Variants in FBXO42 observed in about 807,000 individuals in gnomAD.
FBXO42 encodes F-box protein 42.
FBXO42 carries 12 observed loss-of-function variants against 71.7 expected under a neutral mutation model. That is an observed-to-expected ratio of 0.17 (90% CI 0.11 to 0.27). The LOEUF is 0.27. Among genes scored for constraint, FBXO42 ranks in the 10% least tolerant of loss-of-function variants. FBXO42 has a pLI of 1.00. For synonymous variants in FBXO42, 325 were observed against 327.5 expected, an observed-to-expected ratio of 0.99 and a Z score of 0.08; for missense variants, 707 against 911.9, an observed-to-expected ratio of 0.78 and a Z score of 2.89.
Position 16,305,913 on chromosome 1 carries a change from G to C in FBXO42, c.257C>G (p.Ala86Gly), listed in dbSNP as rs1278005090. ...KQWYRLIKGV[A>G]HQCYHGFMKA... Reference sequence around the variant, plus strand: ...CATGAAACCATGATAACACTGATGGGCTACACCTAAGACAGAAAGAGCAAA... The same window carrying C: ...CATGAAACCATGATAACACTGATGGCCTACACCTAAGACAGAAAGAGCAAA... The change falls in exon 3 of 10, where the codon GCC becomes GGC. Residue 86 changes from alanine to glycine, a missense_variant. This residue lies in a region of FBXO42 where 188 missense variants were observed against 230.5 expected (regional missense o/e 0.82). Transcript: ENST00000375592. The C allele has an allele frequency of 6.2e-7, 1 of 1,611,954 alleles. No individual in the cohort carries two copies. Among genetic ancestry groups the C allele is most frequent in the Non-Finnish European group, 8.5e-7 (1 of 1,178,160 alleles).
intron 1 of FBXO42, among the ~76,000 whole-genome samples, chr1:16,330,440 G>C (rs193213373): frequency 0.014 from 2,090 of 152,146 alleles, 25 homozygotes; most frequent in Non-Finnish European, 0.019. Flanking sequence ...CCAAGAGGTG[G>C]AGGCTGCAGG....
At chr1:16,279,620 A>G (rs556563631) in intron 4 of FBXO42, among the ~76,000 whole-genome samples, 7 of 152,360 alleles carry the variant, frequency 4.6e-5, no homozygotes, top group African/African-American at 1.4e-4. Flanking sequence ...GATAAACATA[A>G]TAGTCAAATA....
chr1:16,252,019 A>C lies in FBXO42; in HGVS notation c.1039-234T>G, dbSNP rs1388736791. On this transcript the variant is annotated intron_variant, in intron 9 of 9. Coordinates refer to ENST00000375592, the MANE Select transcript of FBXO42 (RefSeq NM_018994.3). This position sits in a 1 kb window ranked among gnomAD's most constrained non-coding sequence, Gnocchi z 4.4. Reference sequence around the variant, plus strand: ...ATATGTATACAGAAGGGGTGGGGAGAAGGGAACAATCAATTTTTGTTAGAA... The same window carrying C: ...ATATGTATACAGAAGGGGTGGGGAGCAGGGAACAATCAATTTTTGTTAGAA... 6.6e-6 allele frequency among the ~76,000 whole-genome samples: 1 copy of C among 152,114 alleles called. No individual in the cohort carries two copies. Among genetic ancestry groups the C allele is most frequent in the East Asian group, 1.9e-4 (1 of 5,198 alleles).
chr1:16,289,058 G>C (rs985225855), intron 4 of FBXO42, among the ~76,000 whole-genome samples: 7 of 150,946 alleles, frequency 4.6e-5, no homozygotes, highest in Non-Finnish European at 1.0e-4. Context: ...TTACTTTCTT[G>C]CCTTCCTTCA....
rs2081576329 is a variant in FBXO42 at position 16,250,172 on chromosome 1, A to G, written c.*498T>C. 1 of 152,218 alleles carries G rather than the reference A, an allele frequency of 6.6e-6. No homozygotes were observed. Among genetic ancestry groups the G allele is most frequent in the Non-Finnish European group, 1.5e-5 (1 of 68,042 alleles). 9.4% of individuals were successfully genotyped at this position (152,218 alleles called of 1,614,324 possible). ...CACAGGTCCTCTGTGGTTTTAAGAG[A>G]AGGGGAAAAACAGTTACTTTTACCC... On this transcript the variant is annotated 3_prime_UTR_variant, in exon 10 of 10. Transcript: ENST00000375592. This position sits in a 1 kb window ranked among gnomAD's most constrained non-coding sequence, Gnocchi z 4.7.
At chr1:16,317,513 T>C (rs1051387858) in intron 1 of FBXO42, among the ~76,000 whole-genome samples, 8 of 152,002 alleles carry the variant, frequency 5.3e-5, no homozygotes, top group South Asian at 2.1e-4. Flanking sequence ...GGAGAATCAC[T>C]TGAACCTGGG....
At chr1:16,309,948 C>G (rs12121375) in intron 2 of FBXO42, among the ~76,000 whole-genome samples, 56 of 152,008 alleles carry the variant, frequency 3.7e-4, no homozygotes, top group Non-Finnish European at 7.4e-4. Context: ...GTAATCCCAG[C>G]ACTTTGGGAG....
Position 16,267,737 on chromosome 1 carries a change from T to C in FBXO42, c.503-10978A>G, listed in dbSNP as rs546754185. Among the ~76,000 whole-genome samples, 8 of 152,324 alleles carry C rather than the reference T, an allele frequency of 5.3e-5. No individual in the cohort carries two copies. In the South Asian group the frequency reaches 1.2e-3, roughly 24 times the overall value. The stretch of plus-strand genomic sequence containing the variant: ...ATTCACTGGTATTAGACAAAACTTG[T>C]CTGGATCTCAGGATTCAGGGTATAC... On this transcript the variant is annotated intron_variant, in intron 4 of 9. Transcript: ENST00000375592.
Position 16,251,113 on chromosome 1 carries a change from G to A in FBXO42, c.1711C>T (p.Pro571Ser), listed in dbSNP as rs1238827028. The A allele has an allele frequency of 3.7e-6, 6 of 1,614,122 alleles. No individual in the cohort carries two copies. The highest frequency in any genetic ancestry group is 4.2e-6 in the Non-Finnish European group (5 of 1,180,042). ...EAIKAMSSKGPSASAALSPPL... is the reference protein window; with the variant it reads ...EAIKAMSSKGSSASAALSPPL... Reference sequence around the variant, plus strand: ...GGACTTAGTGCTGCAGAGGCCGAGGGGCCTTTGGAGGACATCGCTTTGATG... The same window carrying A: ...GGACTTAGTGCTGCAGAGGCCGAGGAGCCTTTGGAGGACATCGCTTTGATG... The change falls in exon 10 of 10, where the codon CCC (proline) becomes TCC (serine). Residue 571 changes from proline (P) to serine (S), a missense_variant. Coordinates refer to ENST00000375592, the MANE Select transcript of FBXO42 (RefSeq NM_018994.3). This position sits in a 1 kb window ranked among gnomAD's most constrained non-coding sequence, Gnocchi z 4.5.
In FBXO42 at chr1:16,248,177, C is replaced by T. The variant is rs1476871821; in HGVS notation, c.*2493G>A. ...GGAAATGCTCGCCTTGGCCGAGACA[C>T]GTGAAGTCCCACCGCACAGGTGGCT... On this transcript the variant is annotated 3_prime_UTR_variant, in exon 10 of 10. Coordinates refer to ENST00000375592, the MANE Select transcript of FBXO42 (RefSeq NM_018994.3). The T allele has an allele frequency of 1.3e-5, 2 of 152,166 alleles. No individual in the cohort carries two copies. Among genetic ancestry groups the T allele is most frequent in the African/African-American group, 4.8e-5 (2 of 41,422 alleles). 9.4% of individuals were successfully genotyped at this position (152,166 alleles called of 1,614,324 possible). A position where few individuals can be genotyped will look rare whatever the true frequency, so the allele number is the denominator to read the frequency against.
At chr1:16,316,276 C>A (rs1034198173) in intron 1 of FBXO42, among the ~76,000 whole-genome samples, 7 of 151,968 alleles carry the variant, frequency 4.6e-5, no homozygotes, top group Non-Finnish European at 1.0e-4. Context: ...AGAATACTTG[C>A]CAGCGGTGCC....
rs1442133589 is a variant in FBXO42 at position 16,270,791 on chromosome 1, CAT to C, written c.503-14034_503-14033del. ...ACACACACACACACACACACACACACATATAAAATTCCATTCTTTGAGCAACT... is the reference window on the plus strand; with the variant it reads ...ACACACACACACACACACACACACACATAAAATTCCATTCTTTGAGCAACT... On this transcript the variant is annotated intron_variant, in intron 4 of 9. Transcript: ENST00000375592. Among the ~76,000 whole-genome samples the C allele has an allele frequency of 2.0e-3, 271 of 138,084 alleles. 1 individual carries two copies. The highest frequency in any genetic ancestry group is 5.0e-3 in the African/African-American group (178 of 35,910). 90.6% of individuals were successfully genotyped at this position (138,084 alleles called of 152,430 possible). A position where few individuals can be genotyped will look rare whatever the true frequency, so the allele number is the denominator to read the frequency against.
chr1:16,325,352 T>C (rs2082441002), intron 1 of FBXO42, among the ~76,000 whole-genome samples: 2 of 152,120 alleles, frequency 1.3e-5, no homozygotes, highest in Admixed American at 6.6e-5. Context: ...AATTCTACAT[T>C]AACGAAGCAT....
intron 4 of FBXO42, among the ~76,000 whole-genome samples, chr1:16,269,632 T>A (rs1200357581): frequency 1.4e-5 from 2 of 147,164 alleles, no homozygotes; most frequent in Non-Finnish European, 3.0e-5. Flanking sequence ...TTCAAGCGAT[T>A]TTCCTGCCTC....
intron 3 of FBXO42, 117 bp downstream of exon 3, chr1:16,305,686 C>T: frequency 3.5e-6 from 3 of 846,834 alleles, no homozygotes; most frequent in Non-Finnish European, 5.9e-6. Context: ...TGCACTCCAG[C>T]TTGGGTGATA....
chr1:16,342,823 TCTC>T (rs1196703832), intron 1 of FBXO42, among the ~76,000 whole-genome samples: 1 of 152,058 alleles, frequency 6.6e-6, no homozygotes, highest in Non-Finnish European at 1.5e-5. Flanking sequence ...TTGGTGCTGT[TCTC>T]CTGGTAGTGA....
intron 2 of FBXO42, among the ~76,000 whole-genome samples, chr1:16,309,356 C>A (rs1458937611): frequency 2.0e-5 from 3 of 151,642 alleles, no homozygotes; most frequent in African/African-American, 7.3e-5. Context: ...GGATTATAGG[C>A]ATGAGCCACC....
At chr1:16,342,168 G>A (rs1262495447) in intron 1 of FBXO42, among the ~76,000 whole-genome samples, 4 of 151,668 alleles carry the variant, frequency 2.6e-5, no homozygotes, top group East Asian at 1.9e-4. Context: ...AGGCCAAGAC[G>A]GGCGGATCAC....
intron 1 of FBXO42, among the ~76,000 whole-genome samples, chr1:16,343,981 G>A (rs1403995132): frequency 1.4e-5 from 2 of 147,670 alleles, no homozygotes; most frequent in Non-Finnish European, 3.0e-5. Flanking sequence ...AACAAAAAAA[G>A]AAAACTGCAA....
Sources: allele counts gnomAD v4.1 joint callset (sites outside exome capture counted in the v4.1 genomes callset), GRCh38; gene constraint gnomAD v4.1.1; regional missense constraint gnomAD v4.1.1; non-coding constraint Gnocchi (gnomAD v3.1); transcripts MANE v1.5; gene names NCBI Gene and HGNC (gene_info 2026-07-23, HGNC 2026-07-21).